The following ACAP2 variants were observed in gnomAD, a reference collection of about 807,000 sequenced individuals.
The protein encoded by ACAP2 is ArfGAP with coiled-coil, ankyrin repeat and PH domains 2, also known as arf-GAP with coiled-coil, ANK repeat and PH domain-containing protein 2.
A neutral mutation model predicts 115.8 loss-of-function variants in ACAP2; 39 were observed. The ratio of observed to expected loss-of-function variants is 0.34; its 90% CI spans 0.26 to 0.44. ACAP2 has a LOEUF of 0.44. Ranked by LOEUF, ACAP2 falls within the 20% of genes least tolerant of loss-of-function variation. ACAP2 has a pLI of 1.00. For synonymous variants in ACAP2, 289 were observed against 315.8 expected, an observed-to-expected ratio of 0.92 and a Z score of 0.90; for missense variants, 662 against 927.6, an observed-to-expected ratio of 0.71 and a Z score of 3.72.
Position 195,301,953 on chromosome 3 carries a change from C to T in ACAP2, c.1325+13G>A. 1 of 1,608,822 alleles carries T rather than the reference C, an allele frequency of 6.2e-7. No individual in the cohort carries two copies. The highest frequency in any genetic ancestry group is 1.1e-5 in the South Asian group (1 of 90,520). ...CAAAAGAAGAAATTCTCATCCTGGG[C>T]AGGCCTACCCACCGGTGAATTCCGG... On this transcript the variant is annotated intron_variant, in intron 14 of 22. Transcript: ENST00000326793.
intron 1 of ACAP2, chr3:195,413,001 T>G (rs749784011): frequency 6.5e-5 from 27 of 412,796 alleles, no homozygotes; most frequent in Non-Finnish European, 1.3e-4. Context: ...AAAAGCAGGA[T>G]AAGAGGACAC....
At chr3:195,322,811 GT>G (rs1458394977) in intron 9 of ACAP2, among the ~76,000 whole-genome samples, 1 of 152,126 alleles carries the variant, frequency 6.6e-6, no homozygotes, top group African/African-American at 2.4e-5. Context: ...CATTACAAGT[GT>G]TTCTCTAATT....
intron 10 of ACAP2, among the ~76,000 whole-genome samples, chr3:195,318,327 T>C (rs1204537282): frequency 6.6e-6 from 1 of 152,188 alleles, no homozygotes; most frequent in Non-Finnish European, 1.5e-5. Flanking sequence ...TGGAAGCCAC[T>C]TTGGAAATGA....
chr3:195,373,689 G>A (rs1284724341), intron 4 of ACAP2, among the ~76,000 whole-genome samples: 1 of 152,144 alleles, frequency 6.6e-6, no homozygotes, highest in Non-Finnish European at 1.5e-5. Context: ...CAACACTTTG[G>A]GAGGCCGAGG....
At chr3:195,318,017 C>A (rs1371385491) in intron 10 of ACAP2, among the ~76,000 whole-genome samples, 3 of 152,148 alleles carry the variant, frequency 2.0e-5, no homozygotes, top group Non-Finnish European at 2.9e-5. Flanking sequence ...CGGTTTTCCC[C>A]ATGCTGTTCT....
chr3:195,301,918 T>A, intron 14 of ACAP2, 48 bp downstream of exon 14: 1 of 1,579,610 alleles, frequency 6.3e-7, no homozygotes, highest in Non-Finnish European at 8.6e-7. Context: ...CATTTCTATC[T>A]GTGTTTATCC....
intron 4 of ACAP2, among the ~76,000 whole-genome samples, chr3:195,377,882 A>C (rs1474379474): frequency 6.6e-6 from 1 of 152,246 alleles, no homozygotes; most frequent in East Asian, 1.9e-4. Flanking sequence ...TCATGTATAG[A>C]AACATGTACG....
intron 1 of ACAP2, among the ~76,000 whole-genome samples, chr3:195,396,152 G>A (rs1309075527): frequency 6.6e-6 from 1 of 152,094 alleles, no homozygotes; most frequent in Non-Finnish European, 1.5e-5. Context: ...TAGGGAGGCT[G>A]AGGCAGGAGA....
chr3:195,346,948 T>A (rs1731225874), intron 4 of ACAP2, among the ~76,000 whole-genome samples: 1 of 152,128 alleles, frequency 6.6e-6, no homozygotes, highest in Admixed American at 6.5e-5. Flanking sequence ...ATCAGCGATT[T>A]CCACTGATAG....
intron 4 of ACAP2, 107 bp from the exon 5 acceptor site, chr3:195,345,424 G>A (rs1007652737): frequency 2.4e-5 from 16 of 667,218 alleles, no homozygotes; most frequent in African/African-American, 5.5e-5. Context: ...TTCTAATACC[G>A]TCTATATCTC....
chr3:195,342,927 C>T (rs554873453), intron 5 of ACAP2, among the ~76,000 whole-genome samples: 5 of 149,960 alleles, frequency 3.3e-5, no homozygotes, highest in Admixed American at 2.0e-4. Context: ...ATATGGGAGG[C>T]GGAGGTTGCA....
Position 195,392,160 on chromosome 3 carries a change from A to C in ACAP2, c.54-13T>G, listed in dbSNP as rs1022664699. 5.6e-6 allele frequency: 9 copies of C among 1,600,344 alleles called. No individual in the cohort carries two copies. The highest frequency in any genetic ancestry group is 1.7e-4 in the Middle Eastern group (1 of 6,058). ...TTCCAAAGCTGCCCTAGAAAAATTAAATATAAAATAAGTTATTTCGTTTGT... is the reference window on the plus strand; with the variant it reads ...TTCCAAAGCTGCCCTAGAAAAATTACATATAAAATAAGTTATTTCGTTTGT... On this transcript the variant is annotated splice_polypyrimidine_tract_variant and intron_variant, in intron 1 of 22. Coordinates refer to ENST00000326793, the MANE Select transcript of ACAP2 (RefSeq NM_012287.6).
At chr3:195,282,419 CAA>C (rs1726565028) in intron 22 of ACAP2, 1 of 152,176 alleles carries the variant, frequency 6.6e-6, no homozygotes, top group South Asian at 2.1e-4. Flanking sequence ...TAGTTTCTAA[CAA>C]AACATTAATT....
At chr3:195,302,214 AG>A (rs772994354) in intron 13 of ACAP2, 40 bp from the exon 14 acceptor site, 43 of 1,524,228 alleles carry the variant, frequency 2.8e-5, no homozygotes, top group Non-Finnish European at 3.5e-5. Context: ...AAAAAAAAAA[AG>A]ATTGAAATAC....
At chr3:195,432,290 C>A (rs1227459230) in intron 1 of ACAP2, among the ~76,000 whole-genome samples, 2 of 152,160 alleles carry the variant, frequency 1.3e-5, no homozygotes, top group Non-Finnish European at 2.9e-5. Flanking sequence ...AGATTTAATT[C>A]TGTTTTCTCC....
intron 22 of ACAP2, among the ~76,000 whole-genome samples, chr3:195,283,570 T>C (rs570492174): frequency 3.3e-5 from 5 of 151,934 alleles, no homozygotes; most frequent in African/African-American, 1.2e-4. Context: ...GATAGAAAAA[T>C]GTACAGTGAT....
Position 195,389,120 on chromosome 3 carries a change from T to C in ACAP2, c.111+2970A>G, listed in dbSNP as rs77881884. On this transcript the variant is annotated intron_variant, in intron 2 of 22. Coordinates refer to ENST00000326793, the MANE Select transcript of ACAP2 (RefSeq NM_012287.6). ...GGAACTTTAGTGCGAGGGAAAACAG[T>C]GATTTTTTTAAGCTGTCAGGTTTCC... Among the ~76,000 whole-genome samples, 25 of 152,100 alleles carry C rather than the reference T, an allele frequency of 1.6e-4. No individual in the cohort carries two copies. In the East Asian group the frequency reaches 4.8e-3, roughly 29 times the overall value.
rs773379017 is a variant in ACAP2 at position 195,294,608 on chromosome 3, AT to A, written c.1765+110del. On this transcript the variant is annotated intron_variant, in intron 18 of 22. Transcript: ENST00000326793. ...AAAAAAGAAGAAAAAAAAAAAAAAA[AT>A]TATATATATATATATATATATAATT... The A allele has an allele frequency of 5.5e-3, 467 of 84,370 alleles. 10 individuals carry two copies. The highest frequency in any genetic ancestry group is 0.019 in the African/African-American group (343 of 17,766). 5.2% of individuals were successfully genotyped at this position (84,370 alleles called of 1,614,324 possible). A position where few individuals can be genotyped will look rare whatever the true frequency, so the allele number is the denominator to read the frequency against.
intron 4 of ACAP2, among the ~76,000 whole-genome samples, chr3:195,379,033 CTAT>C (rs1165956314): frequency 6.6e-6 from 1 of 151,896 alleles, no homozygotes; most frequent in African/African-American, 2.4e-5. Flanking sequence ...AACATTTAGT[CTAT>C]TATGTCAATT....
Sources: gnomAD v4.1 joint callset for allele counts (sites outside exome capture counted in the v4.1 genomes callset) on GRCh38, gnomAD v4.1.1 for gene constraint, MANE v1.5 for transcripts, NCBI Gene and HGNC (gene_info 2026-07-23, HGNC 2026-07-21) for gene names.